Variants in RBFOX1 observed in about 807,000 individuals in gnomAD.
RBFOX1 encodes the protein RNA binding fox-1 homolog 1, also known as RNA binding protein fox-1 homolog 1.
In RBFOX1, 8 loss-of-function variants were observed where a neutral mutation model predicts 57.7. That is an observed-to-expected ratio of 0.14 (90% CI 0.08 to 0.25). RBFOX1 has a LOEUF of 0.25. Among genes scored for constraint, RBFOX1 ranks in the 10% least tolerant of loss-of-function variants. The pLI is 1.00. For synonymous variants in RBFOX1, 326 were observed against 222.4 expected, an observed-to-expected ratio of 1.47 and a Z score of -4.15; for missense variants, 611 against 548.5, an observed-to-expected ratio of 1.11 and a Z score of -1.14.
At position 6,894,490 on chromosome 16, in the gene RBFOX1, G is replaced by A. The variant is rs1431318084; in HGVS notation, c.-15-157567G>A. ...CTTTTGGTTGGACTCCTGGGAATCT[G>A]TCTCATGTTTCTGTTCACACCTGCT... On this transcript the variant is annotated intron_variant, in intron 3 of 15. Transcript: ENST00000550418. Among the ~76,000 whole-genome samples, 3 of 152,094 alleles carry A rather than the reference G, an allele frequency of 2.0e-5. No individual in the cohort carries two copies. In the East Asian group the frequency reaches 5.8e-4, roughly 29 times the overall value.
intron 1 of RBFOX1, chr16:5,366,331 TTGA>T (rs1333970023): frequency 6.9e-5 from 25 of 362,904 alleles, no homozygotes; most frequent in South Asian, 1.4e-4. Flanking sequence ...GATGATGATT[TTGA>T]TGATGATGAT....
intron 1 of RBFOX1, among the ~76,000 whole-genome samples, chr16:6,099,752 T>A (rs987949278): frequency 2.6e-5 from 4 of 152,236 alleles, no homozygotes; most frequent in African/African-American, 9.6e-5. Context: ...AAGTGCTCTG[T>A]GACTTTTACG....
chr16:7,558,498 C>T (rs1014838491), intron 5 of RBFOX1, among the ~76,000 whole-genome samples: 4 of 151,754 alleles, frequency 2.6e-5, no homozygotes, highest in South Asian at 2.1e-4. Context: ...CACATATTTT[C>T]GTATATGTAT....
At chr16:6,944,397 G>GAAA (rs199499186) in intron 3 of RBFOX1, among the ~76,000 whole-genome samples, 2 of 106,086 alleles carry the variant, frequency 1.9e-5, no homozygotes, top group Admixed American at 1.0e-4. Flanking sequence ...CCATCTCAGA[G>GAAA]AAAAAAAAAA....
intron 3 of RBFOX1, among the ~76,000 whole-genome samples, chr16:5,661,366 T>G (rs1297089933): frequency 6.6e-6 from 1 of 152,164 alleles, no homozygotes; most frequent in African/African-American, 2.4e-5. Context: ...TGTTTACATG[T>G]GTGTGGTGTG....
intron 3 of RBFOX1, among the ~76,000 whole-genome samples, chr16:7,014,888 C>T (rs2093831214): frequency 6.6e-6 from 1 of 151,968 alleles, no homozygotes; most frequent in Non-Finnish European, 1.5e-5. Context: ...CCACACCCGG[C>T]TAATTTTTTT....
intron 4 of RBFOX1, among the ~76,000 whole-genome samples, chr16:7,406,776 G>T (rs186729413): frequency 3.3e-5 from 5 of 152,318 alleles, no homozygotes; most frequent in Admixed American, 6.5e-5. Context: ...CAAAAAGACT[G>T]AAGTAGGTCT....
intron 4 of RBFOX1, among the ~76,000 whole-genome samples, chr16:7,488,689 A>G (rs998703262): frequency 3.3e-5 from 5 of 152,106 alleles, no homozygotes; most frequent in Admixed American, 2.6e-4. Flanking sequence ...CCATCTATCT[A>G]TACATTCTCA....
At chr16:6,480,276 C>G (rs889033881) in intron 2 of RBFOX1, among the ~76,000 whole-genome samples, 5 of 152,052 alleles carry the variant, frequency 3.3e-5, no homozygotes, top group Non-Finnish European at 5.9e-5. Flanking sequence ...TCACTTAAAA[C>G]AAGTTATATG....
In RBFOX1 at chr16:7,369,798, G is replaced by T. The variant is rs111695151; in HGVS notation, c.28-148349G>T. Among the ~76,000 whole-genome samples the T allele has an allele frequency of 8.3e-3, 1,260 of 152,254 alleles. 20 individuals are homozygous for T. The highest frequency in any genetic ancestry group is 0.029 in the African/African-American group (1,187 of 41,558). On this transcript the variant is annotated intron_variant, in intron 4 of 15. Coordinates refer to ENST00000550418, the MANE Select transcript of RBFOX1 (RefSeq NM_018723.4). ...TAAGTAAATAATAATAATAATTGCA[G>T]TGATCATAATAGCTCCCATTAATTC...
At chr16:5,531,895 G>C (rs977849582) in intron 2 of RBFOX1, among the ~76,000 whole-genome samples, 12 of 151,704 alleles carry the variant, frequency 7.9e-5, no homozygotes, top group Middle Eastern at 3.4e-3. Flanking sequence ...TCTGCTTCCT[G>C]GGTTCAAGCG....
At chr16:6,351,366 A>AT (rs1158685144) in intron 2 of RBFOX1, among the ~76,000 whole-genome samples, 1,275 of 98,928 alleles carry the variant, frequency 0.013, 28 homozygotes, top group African/African-American at 0.054. Flanking sequence ...ATATATATAT[A>AT]TATATATTTT....
chr16:6,593,089 T>C (rs1600863554), intron 2 of RBFOX1, among the ~76,000 whole-genome samples: 1 of 152,094 alleles, frequency 6.6e-6, no homozygotes, highest in Non-Finnish European at 1.5e-5. Flanking sequence ...CTACTTGGGA[T>C]GCTGAGGCAG....
intron 2 of RBFOX1, among the ~76,000 whole-genome samples, chr16:5,589,285 G>A (rs1415960806): frequency 6.6e-6 from 1 of 152,156 alleles, no homozygotes; most frequent in Non-Finnish European, 1.5e-5. Context: ...GTTTGTACAA[G>A]GAAGTGTGGT....
intron 3 of RBFOX1, among the ~76,000 whole-genome samples, chr16:6,781,850 T>C (rs1040839947): frequency 2.6e-4 from 39 of 152,162 alleles, no homozygotes; most frequent in African/African-American, 9.4e-4. Context: ...TTCGTTTTTA[T>C]TTTCCAAAAA....
chr16:5,559,660 A>G (rs543659103), intron 2 of RBFOX1, among the ~76,000 whole-genome samples: 24 of 152,180 alleles, frequency 1.6e-4, no homozygotes, highest in Middle Eastern at 3.4e-3. Context: ...TGCTCTATCA[A>G]TTTTCTCCTC....
At chr16:6,028,387 T>C (rs1006929275) in intron 1 of RBFOX1, among the ~76,000 whole-genome samples, 7 of 151,724 alleles carry the variant, frequency 4.6e-5, no homozygotes, top group Admixed American at 4.6e-4. Flanking sequence ...TTTAAGAACA[T>C]GATGACCGGG....
intron 1 of RBFOX1, among the ~76,000 whole-genome samples, chr16:5,329,976 C>A (rs2064701755): frequency 3.5e-5 from 2 of 57,118 alleles, no homozygotes; most frequent in Admixed American, 5.0e-4. Context: ...GAGCGAGACT[C>A]TGTCTCAAAA....
Position 5,411,311 on chromosome 16 carries a change from G to A in RBFOX1, c.220-55905G>A, listed in dbSNP as rs185900590. ...ACCTGGGTGAGTGCAGTGAAATCACGAGTCACAGTAAGAGAGAAGTAGCAG... is the reference window on the plus strand; with the variant it reads ...ACCTGGGTGAGTGCAGTGAAATCACAAGTCACAGTAAGAGAGAAGTAGCAG... On this transcript the variant is annotated intron_variant, in intron 1 of 2. Transcript: ENST00000585867. 3.3e-3 allele frequency among the ~76,000 whole-genome samples: 504 copies of A among 152,298 alleles called. 3 individuals are homozygous for A. Among genetic ancestry groups the A allele is most frequent in the African/African-American group, 0.011 (462 of 41,550 alleles).
Sources: gnomAD v4.1 joint callset for allele counts (sites outside exome capture counted in the v4.1 genomes callset) on GRCh38, gnomAD v4.1.1 for gene constraint, MANE v1.5 for transcripts, NCBI Gene and HGNC (gene_info 2026-07-23, HGNC 2026-07-21) for gene names.